The following CAPN15 variants were observed in gnomAD, a reference collection of about 807,000 sequenced individuals.
CAPN15 encodes the protein calpain 15, also known as calpain-15.
Under a neutral mutation model 97.9 loss-of-function variants are expected in CAPN15, and 53 were observed. The observed-to-expected ratio is 0.54, with a 90% CI of 0.43 to 0.68. The LOEUF is 0.68. Among genes scored for constraint, CAPN15 ranks in the 30% least tolerant of loss-of-function variants. The probability of loss-of-function intolerance (pLI) is 0.00; values close to 1 mark genes in which losing one functional copy is unlikely to be tolerated. For missense variants in CAPN15, 1,592 were observed against 1,589.8 expected (o/e 1.00, Z -0.02); for synonymous variants, 922 against 722.5 (o/e 1.28, Z -4.43).
intron 3 of CAPN15, chr16:538,964 C>A (rs1447797229): frequency 1.4e-5 from 2 of 142,652 alleles, no homozygotes; most frequent in Non-Finnish European, 3.0e-5. Flanking sequence ...TTTTTTGGCT[C>A]TGTCTCCCAG....
intron 2 of CAPN15, among the ~76,000 whole-genome samples, 189 bp downstream of exon 2, chr16:534,187 G>C (rs112729624): frequency 7.2e-6 from 1 of 139,520 alleles, no homozygotes; most frequent in Non-Finnish European, 1.6e-5. Flanking sequence ...TTGGGCCGTG[G>C]TCCTGTCGTG....
Position 554,462 on chromosome 16 carries a change from T to A in CAPN15, c.*946T>A. On this transcript the variant is annotated 3_prime_UTR_variant, in exon 14 of 14. Coordinates refer to ENST00000219611, the MANE Select transcript of CAPN15 (RefSeq NM_005632.3). The stretch of plus-strand genomic sequence containing the variant: ...ACCTGGAGAAACATTCCCACTCCCC[T>A]TTGGCCTCCCTGTACTCTGAGCTGT... 2.2e-6 allele frequency: 1 copy of A among 453,132 alleles called. No individual in the cohort carries two copies. Among genetic ancestry groups the A allele is most frequent in the East Asian group, 7.0e-5 (1 of 14,356 alleles). 28.1% of individuals were successfully genotyped at this position (453,132 alleles called of 1,614,324 possible). A position where few individuals can be genotyped will look rare whatever the true frequency, so the allele number is the denominator to read the frequency against.
intron 8 of CAPN15, 28 bp downstream of exon 8, chr16:551,455 G>A (rs1007023637): frequency 2.5e-6 from 4 of 1,600,598 alleles, no homozygotes; most frequent in Non-Finnish European, 3.4e-6. Flanking sequence ...GAGGGTGGGT[G>A]GGGTGCCGGT....
intron 3 of CAPN15, among the ~76,000 whole-genome samples, chr16:542,481 TG>T (rs1173628408): frequency 6.6e-6 from 1 of 152,100 alleles, no homozygotes; most frequent in Non-Finnish European, 1.5e-5. Flanking sequence ...TCCCAGGGGG[TG>T]GGAGCTGGTG....
rs1470595922 is a variant in CAPN15 at position 547,537 on chromosome 16, C to T, written c.699C>T (p.Ser233=). The T allele has an allele frequency of 2.5e-6, 4 of 1,597,680 alleles. No individual in the cohort carries two copies. In the Admixed American group the frequency reaches 5.0e-5, roughly 20 times the overall value. ...EPEPPRVPPF[S]PFSSTLQNNP... is the part of the protein sequence containing the mutation. ...AGCCGCCCAGGGTCCCGCCCTTCAG[C>T]CCCTTCTCGTCCACCCTGCAGAACA... is the stretch of plus-strand genomic sequence containing the variant. The change falls in exon 4 of 14, where the codon AGC becomes AGT. Residue 233 remains serine, a synonymous_variant. Coordinates refer to ENST00000219611, the MANE Select transcript of CAPN15 (RefSeq NM_005632.3).
chr16:551,500 T>C lies in CAPN15; in HGVS notation c.2193-12T>C. 1 of 1,607,376 alleles carries C rather than the reference T, an allele frequency of 6.2e-7. No individual in the cohort carries two copies. The highest frequency in any genetic ancestry group is 8.5e-7 in the Non-Finnish European group (1 of 1,175,700). ...GCAGTGTGGTTCAGATCCTCACCCC[T>C]GTGGTCTGCAGGCTTCTGCGGCTCC... is the stretch of plus-strand genomic sequence containing the variant. On this transcript the variant is annotated splice_polypyrimidine_tract_variant and intron_variant, in intron 8 of 13. Transcript: ENST00000219611.
chr16:546,704 C>CG (rs1458248476), intron 3 of CAPN15, 113 bp from the exon 4 acceptor site: 1 of 1,370,268 alleles, frequency 7.3e-7, no homozygotes. Context: ...CCTAGGCCCT[C>CG]GGCCCCGTAG....
In CAPN15 at chr16:544,732, TCGCCTCCCCCA is replaced by T. The variant is rs1567146074; in HGVS notation, c.-22-2082_-22-2072del. ...CCTCCCCCACGTCGCCTCCCCCACGTCGCCTCCCCCACGTCGTCGCCTCCCCCACGTCGCCT... is the reference window on the plus strand; with the variant it reads ...CCTCCCCCACGTCGCCTCCCCCACGTCGTCGTCGCCTCCCCCACGTCGCCT... On this transcript the variant is annotated intron_variant, in intron 3 of 13. Coordinates refer to ENST00000219611, the MANE Select transcript of CAPN15 (RefSeq NM_005632.3). 4.2e-3 allele frequency among the ~76,000 whole-genome samples: 141 copies of T among 33,972 alleles called. 1 individual carries two copies. The highest frequency in any genetic ancestry group is 0.011 in the Middle Eastern group (1 of 90). The allele number at this position is 33,972 out of a possible 152,430, so 22.3% of individuals were successfully genotyped here. A position where few individuals can be genotyped will look rare whatever the true frequency, so the allele number is the denominator to read the frequency against.
chr16:544,844 C>CCCACGTCGCCTCCA (rs2034465462), intron 3 of CAPN15, among the ~76,000 whole-genome samples: 1 of 103,262 alleles, frequency 9.7e-6, no homozygotes, highest in Non-Finnish European at 1.8e-5. Flanking sequence ...CGTCGCCTCC[C>CCCACGTCGCCTCCA]CCACGTCGCC....
intron 7 of CAPN15, 109 bp downstream of exon 7, chr16:549,947 G>A: frequency 3.2e-6 from 3 of 935,098 alleles, no homozygotes; most frequent in South Asian, 1.6e-5. Context: ...TCCACGAGGT[G>A]CCCCTGGCGT....
rs2035310834 is a variant in CAPN15 at position 554,489 on chromosome 16, A to T, written c.*973A>T. ...TGGCCTCCCTGTACTCTGAGCTGTG[A>T]ATATTTTTAACCCTGTAAATACGGC... On this transcript the variant is annotated 3_prime_UTR_variant, in exon 14 of 14. Coordinates refer to ENST00000219611, the MANE Select transcript of CAPN15 (RefSeq NM_005632.3). 6.6e-6 allele frequency: 3 copies of T among 455,220 alleles called. No homozygotes were observed. Among genetic ancestry groups the T allele is most frequent in the South Asian group, 4.6e-5 (3 of 64,532 alleles). 28.2% of individuals were successfully genotyped at this position (455,220 alleles called of 1,614,324 possible).
Position 552,801 on chromosome 16 carries a change from T to TGGGGGGCGG in CAPN15, c.2904+34_2904+35insGGCGGGGGG. 6.6e-7 allele frequency: 1 copy of TGGGGGGCGG among 1,504,546 alleles called. No individual in the cohort carries two copies. The highest frequency in any genetic ancestry group is 8.9e-7 in the Non-Finnish European group (1 of 1,119,168). The allele number at this position is 1,504,546 out of a possible 1,614,324, so 93.2% of individuals were successfully genotyped here. ...GTGGGGGTCCCGGGGGAGGGTGGCG[T>TGGGGGGCGG]GGGGCAGGGGGAGTATGCCCCAGCA... is the stretch of plus-strand genomic sequence containing the variant. On this transcript the variant is annotated intron_variant, in intron 12 of 13. Transcript: ENST00000219611. The surrounding 1 kb of genome is among the most constrained non-coding windows in gnomAD (Gnocchi z 6.4).
rs768387546 is a variant in CAPN15, at chr16:546,847, G to A, written c.9G>A (p.Thr3=). The A allele has an allele frequency of 4.7e-5, 76 of 1,603,042 alleles. 1 individual carries two copies. Among genetic ancestry groups the A allele is most frequent in the East Asian group, 4.0e-4 (18 of 44,658 alleles). ...CCCACTCGCCCGGGTCTATGGCCAC[G>A]GTCGGAGAGTGGTCCTGTGTGCGCT... The part of the protein sequence containing the change: MA[T]VGEWSCVRCT... The change falls in exon 4 of 14, where the codon ACG becomes ACA. Residue 3 remains threonine (T), a synonymous_variant. Coordinates refer to ENST00000219611, the MANE Select transcript of CAPN15 (RefSeq NM_005632.3).
chr16:541,473 C>T (rs1567142286), intron 3 of CAPN15, among the ~76,000 whole-genome samples: 1 of 151,936 alleles, frequency 6.6e-6, no homozygotes, highest in African/African-American at 2.4e-5. Context: ...CGTGTGGGGC[C>T]TGGTGGTCGG....
In CAPN15 at chr16:548,063, C is replaced by T; in HGVS notation, c.1225C>T (p.Leu409=). 7.8e-6 allele frequency: 12 copies of T among 1,546,642 alleles called. No individual in the cohort carries two copies. Among genetic ancestry groups the T allele is most frequent in the Non-Finnish European group, 1.0e-5 (12 of 1,146,856 alleles). ...VSSAQKAARV[L]PERPGQWACP... Reference sequence around the variant, plus strand: ...CTCGGCCCAGAAGGCCGCCCGCGTCCTGCCCGAGCGCCCGGGCCAGTGGGC... The same window carrying T: ...CTCGGCCCAGAAGGCCGCCCGCGTCTTGCCCGAGCGCCCGGGCCAGTGGGC... The change falls in exon 4 of 14, where the codon CTG becomes TTG. Residue 409 remains leucine (L), a synonymous_variant. Transcript: ENST00000219611.
rs1218996386 is a variant in CAPN15 at position 552,290 on chromosome 16, G to A, written c.2508-11G>A. 1 of 1,546,068 alleles carries A rather than the reference G, an allele frequency of 6.5e-7. No homozygotes were observed. Among genetic ancestry groups the A allele is most frequent in the East Asian group, 2.4e-5 (1 of 41,178 alleles). ...ACCACGCGTGACCCTGGCCCGTGGT[G>A]TCTGGCGCAGGCGCTCGGACGCCGT... On this transcript the variant is annotated splice_polypyrimidine_tract_variant and intron_variant, in intron 10 of 13. Coordinates refer to ENST00000219611, the MANE Select transcript of CAPN15 (RefSeq NM_005632.3). The surrounding 1 kb of genome is among the most constrained non-coding windows in gnomAD (Gnocchi z 6.4).
At chr16:550,934 G>A (rs2034991722) in intron 7 of CAPN15, among the ~76,000 whole-genome samples, 1 of 123,550 alleles carries the variant, frequency 8.1e-6, no homozygotes, top group Non-Finnish European at 1.6e-5. Flanking sequence ...TCCCCTTTCG[G>A]TGAGGGTCCC....
intron 3 of CAPN15, 52 bp from the exon 4 acceptor site, chr16:546,765 C>A: frequency 6.6e-7 from 1 of 1,508,992 alleles, no homozygotes. Context: ...AGGGTGGGGT[C>A]CAGCCACTCA....
In CAPN15 at chr16:551,376, G is replaced by A; in HGVS notation, c.2141G>A (p.Arg714His). ...DDSAYESLGL[R>H]PRHAYSILDV... ...TCGGCCTACGAGAGCCTGGGCCTGCGCCCCCGGCATGCCTACTCCATCCTG... is the reference window on the plus strand; with the variant it reads ...TCGGCCTACGAGAGCCTGGGCCTGCACCCCCGGCATGCCTACTCCATCCTG... The change falls in exon 8 of 14, where the codon CGC (arginine) becomes CAC (histidine). Residue 714 changes from arginine (R) to histidine (H), a missense_variant. Physicochemically the swap from Arg to His is conservative, Grantham distance 29. Around this residue, in one of 3 missense-constraint regions of CAPN15, gnomAD observed 644 missense variants for 699.6 expected, o/e 0.92. Coordinates refer to ENST00000219611, the MANE Select transcript of CAPN15 (RefSeq NM_005632.3). 2 of 1,610,288 alleles carry A rather than the reference G, an allele frequency of 1.2e-6. No homozygotes were observed. Among genetic ancestry groups the A allele is most frequent in the Non-Finnish European group, 1.7e-6 (2 of 1,178,908 alleles).
Sources: gnomAD v4.1 joint callset for allele counts (sites outside exome capture counted in the v4.1 genomes callset) on GRCh38, gnomAD v4.1.1 for gene constraint, gnomAD v4.1.1 regional missense constraint, Gnocchi (gnomAD v3.1) non-coding constraint, MANE v1.5 for transcripts, NCBI Gene and HGNC (gene_info 2026-07-23, HGNC 2026-07-21) for gene names.